GPC5: variants seen among roughly 807,000 people sequenced by gnomAD.
GPC5 encodes the protein glypican 5, also known as glypican-5.
In GPC5, 47 loss-of-function variants were observed where a neutral mutation model predicts 53.9. That is an observed-to-expected ratio of 0.87 (90% CI 0.69 to 1.11). The LOEUF (loss-of-function observed/expected upper bound fraction) is 1.11, where lower values mean the gene tolerates loss of function less well. Ranked by LOEUF, GPC5 falls within the 50% of genes most tolerant of loss-of-function variation. The probability of loss-of-function intolerance (pLI) is 0.00; values close to 1 mark genes in which losing one functional copy is unlikely to be tolerated. For synonymous variants in GPC5, 286 were observed against 263.3 expected (o/e 1.09, Z -0.84); for missense variants, 748 against 713.1 (o/e 1.05, Z -0.56).
intron 6 of GPC5, among the ~76,000 whole-genome samples, chr13:91,989,470 T>C (rs1016444025): frequency 6.6e-6 from 1 of 152,196 alleles, no homozygotes; most frequent in Non-Finnish European, 1.5e-5. Context: ...TACAAATGAA[T>C]GGCTCTTTAA....
At chr13:92,821,125 C>A in intron 7 of GPC5, among the ~76,000 whole-genome samples, 1 of 152,152 alleles carries the variant, frequency 6.6e-6, no homozygotes, top group South Asian at 2.1e-4. Flanking sequence ...ATGACCAAAG[C>A]ATTTGTATTT....
chr13:92,115,484 A>C (rs991975534), intron 6 of GPC5, among the ~76,000 whole-genome samples: 2 of 152,142 alleles, frequency 1.3e-5, no homozygotes, highest in African/African-American at 4.8e-5. Context: ...CAACCTGGCA[A>C]CAGAATGAGA....
chr13:91,861,596 T>C (rs1465534356), intron 5 of GPC5, among the ~76,000 whole-genome samples: 1 of 152,032 alleles, frequency 6.6e-6, no homozygotes, highest in Non-Finnish European at 1.5e-5. Context: ...CACCTATCTG[T>C]GTCTTTATAT....
intron 7 of GPC5, among the ~76,000 whole-genome samples, chr13:92,254,553 G>A (rs1035719145): frequency 6.6e-6 from 1 of 152,008 alleles, no homozygotes; most frequent in Non-Finnish European, 1.5e-5. Flanking sequence ...TCAGAACCAC[G>A]AATAAAAAAC....
At chr13:92,245,798 G>A (rs1451166734) in intron 7 of GPC5, among the ~76,000 whole-genome samples, 1 of 152,070 alleles carries the variant, frequency 6.6e-6, no homozygotes, top group Non-Finnish European at 1.5e-5. Flanking sequence ...CAGACTCACT[G>A]AAGTTGCTTC....
chr13:92,782,859 T>C (rs1876083614), intron 7 of GPC5, among the ~76,000 whole-genome samples: 1 of 152,148 alleles, frequency 6.6e-6, no homozygotes, highest in Non-Finnish European at 1.5e-5. Context: ...ATTCATAGCA[T>C]GCTGTTTTAG....
In GPC5 at chr13:91,728,402, A is replaced by G. The variant is rs1046787657; in HGVS notation, c.1021-130A>G. On this transcript the variant is annotated intron_variant, in intron 3 of 7. Transcript: ENST00000377067. ...AAAAATTGACAAACATTATATATAC[A>G]TATTATATTTAAGATTAATATTGAG... 1.1e-4 allele frequency: 71 copies of G among 670,484 alleles called. 1 individual carries two copies. Among genetic ancestry groups the G allele is most frequent in the African/African-American group, 1.1e-4 (6 of 54,404 alleles). The allele number at this position is 670,484 out of a possible 1,614,324, so 41.5% of individuals were successfully genotyped here.
chr13:91,972,858 C>T (rs1594697757), intron 6 of GPC5, among the ~76,000 whole-genome samples: 2 of 152,206 alleles, frequency 1.3e-5, no homozygotes, highest in Admixed American at 6.5e-5. Context: ...ATGGGCTTCC[C>T]TTTGTGGGTA....
intron 7 of GPC5, among the ~76,000 whole-genome samples, chr13:92,853,618 T>C (rs1878887241): frequency 6.6e-6 from 1 of 152,070 alleles, no homozygotes; most frequent in Admixed American, 6.6e-5. Context: ...TTAAAACCTA[T>C]GAAATTATCA....
intron 7 of GPC5, among the ~76,000 whole-genome samples, chr13:92,807,481 AC>A (rs1877139605): frequency 6.6e-6 from 1 of 151,866 alleles, no homozygotes; most frequent in Non-Finnish European, 1.5e-5. Flanking sequence ...TTGACTGTGT[AC>A]TCTCAGTTTG....
At chr13:91,740,547 C>T (rs753923146) in intron 4 of GPC5, among the ~76,000 whole-genome samples, 1 of 152,044 alleles carries the variant, frequency 6.6e-6, no homozygotes, top group Non-Finnish European at 1.5e-5. Flanking sequence ...CGTAATTGTC[C>T]TGATTCAATT....
intron 5 of GPC5, among the ~76,000 whole-genome samples, chr13:91,764,507 T>A (rs1051062654): frequency 6.7e-6 from 1 of 148,570 alleles, no homozygotes; most frequent in Non-Finnish European, 1.5e-5. Context: ...GCTGTCAGAA[T>A]TTTTTTGCTC....
intron 4 of GPC5, among the ~76,000 whole-genome samples, chr13:91,754,908 C>T (rs1386440688): frequency 3.3e-5 from 5 of 152,096 alleles, no homozygotes; most frequent in Non-Finnish European, 7.4e-5. Context: ...CTTGCAACCA[C>T]TTTATCACTT....
chr13:91,847,415 C>A (rs1193201034), intron 5 of GPC5, among the ~76,000 whole-genome samples: 1 of 151,670 alleles, frequency 6.6e-6, no homozygotes, highest in Non-Finnish European at 1.5e-5. Context: ...ATGGGCTTTA[C>A]TGTAAGTACA....
intron 2 of GPC5, among the ~76,000 whole-genome samples, chr13:91,658,391 G>GC (rs2034900214): frequency 1.0e-5 from 1 of 98,900 alleles, no homozygotes; most frequent in African/African-American, 8.0e-5. Context: ...GGAATTTTTT[G>GC]GGGGGATAGA....
At chr13:92,766,805 T>C (rs1297478540) in intron 7 of GPC5, among the ~76,000 whole-genome samples, 1 of 152,232 alleles carries the variant, frequency 6.6e-6, no homozygotes, top group Non-Finnish European at 1.5e-5. Context: ...ATTAATTCAA[T>C]TGACTAGTTC....
intron 7 of GPC5, among the ~76,000 whole-genome samples, chr13:92,563,152 T>C (rs1043284817): frequency 2.0e-5 from 3 of 152,066 alleles, no homozygotes; most frequent in Non-Finnish European, 4.4e-5. Flanking sequence ...ATTATTTCTT[T>C]CTGTTTCTTG....
In GPC5 at chr13:92,866,462, A is replaced by T; in HGVS notation, c.*23A>T. 6.4e-7 allele frequency: 1 copy of T among 1,550,988 alleles called. No homozygotes were observed. Among genetic ancestry groups the T allele is most frequent in the Non-Finnish European group, 8.8e-7 (1 of 1,141,308 alleles). ...TAACTGAACTCTTCTGTCCTGACAT[A>T]CCTTACTGAAGTCTCGATTTCTTCT... is the stretch of plus-strand genomic sequence containing the variant. On this transcript the variant is annotated 3_prime_UTR_variant, in exon 8 of 8. Coordinates refer to ENST00000377067, the MANE Select transcript of GPC5 (RefSeq NM_004466.6).
At chr13:91,804,574 T>G (rs2038190278) in intron 5 of GPC5, among the ~76,000 whole-genome samples, 1 of 152,212 alleles carries the variant, frequency 6.6e-6, no homozygotes, top group Non-Finnish European at 1.5e-5. Flanking sequence ...AAAAGGAGGC[T>G]TGGCAATTTT....
Sources: gnomAD v4.1 joint callset for allele counts (sites outside exome capture counted in the v4.1 genomes callset) on GRCh38, gnomAD v4.1.1 for gene constraint, MANE v1.5 for transcripts, NCBI Gene and HGNC (gene_info 2026-07-23, HGNC 2026-07-21) for gene names.